The following DSG3 variants were observed in gnomAD, a reference collection of about 807,000 sequenced individuals.
DSG3 encodes desmoglein 3, also known as desmoglein-3.
DSG3 carries 63 observed loss-of-function variants against 85.9 expected under a neutral mutation model. The observed-to-expected ratio is 0.73, with a 90% confidence interval of 0.60 to 0.90. DSG3 has a LOEUF of 0.90. DSG3 is among the 40% of genes least tolerant of loss of function. The probability of loss-of-function intolerance (pLI) is 0.00; values close to 1 mark genes in which losing one functional copy is unlikely to be tolerated. For synonymous variants in DSG3, 447 were observed against 441.9 expected, an observed-to-expected ratio of 1.01 and a Z score of -0.14; for missense variants, 1,220 against 1,219.9, an observed-to-expected ratio of 1.00 and a Z score of 0.00.
intron 14 of DSG3, among the ~76,000 whole-genome samples, chr18:31,473,475 T>C (rs530800221): frequency 6.6e-6 from 1 of 152,228 alleles, no homozygotes; most frequent in African/African-American, 2.4e-5. Context: ...ATTCCATAGA[T>C]TGTTTTCAAG....
rs981056553 is a variant in DSG3 at position 31,476,601 on chromosome 18, T to C, written c.*341T>C. ...CATTTTAAAATGCAATGTGATTTAGTGGATTAAGCAGGAGCGCTGGTTCTT... is the reference window on the plus strand; with the variant it reads ...CATTTTAAAATGCAATGTGATTTAGCGGATTAAGCAGGAGCGCTGGTTCTT... On this transcript the variant is annotated 3_prime_UTR_variant, in exon 16 of 16. Transcript: ENST00000257189. The C allele has an allele frequency of 1.5e-5, 3 of 200,182 alleles. No homozygotes were observed. The highest frequency in any genetic ancestry group is 3.0e-5 in the Non-Finnish European group (3 of 99,102). The allele number at this position is 200,182 out of a possible 1,614,324, so 12.4% of individuals were successfully genotyped here.
chr18:31,475,031 A>T (rs574701978), intron 15 of DSG3, among the ~76,000 whole-genome samples: 1 of 152,302 alleles, frequency 6.6e-6, no homozygotes, highest in Admixed American at 6.5e-5. Flanking sequence ...CACTGAATTA[A>T]TGACCCCCAA....
intron 8 of DSG3, 51 bp from the exon 9 acceptor site, chr18:31,464,060 T>A: frequency 6.4e-7 from 1 of 1,551,000 alleles, no homozygotes; most frequent in Non-Finnish European, 8.8e-7. Flanking sequence ...CTACTGGGTT[T>A]GCGGGAGTGT....
chr18:31,457,560 TCTTTCTTTCTTTCTTTCTTTCTTTC>T, intron 3 of DSG3, among the ~76,000 whole-genome samples: 1 of 101,174 alleles, frequency 9.9e-6, no homozygotes, highest in African/African-American at 5.5e-5. Context: ...TTTCTTTCTT[TCTTTCTTTCTTTCTTTCTTTCTTTC>T]TTCTTTCTTT....
Position 31,461,289 on chromosome 18 carries a change from T to C in DSG3, c.876T>C (p.Asp292=). ...SSELLRFQVT[D]LDEEYTDNWL... ...AATTACTTCGATTTCAAGTAACAGA[T>C]TTGGATGAAGAGTACACAGATAATT... is the stretch of plus-strand genomic sequence containing the variant. Residue 292 remains aspartate, a synonymous_variant, in exon 8 of 16, where the codon GAT becomes GAC. Coordinates refer to ENST00000257189, the MANE Select transcript of DSG3 (RefSeq NM_001944.3). The C allele has an allele frequency of 6.2e-7, 1 of 1,613,578 alleles. No homozygotes were observed. The highest frequency in any genetic ancestry group is 1.3e-5 in the African/African-American group (1 of 75,010).
intron 1 of DSG3, among the ~76,000 whole-genome samples, chr18:31,449,729 T>C (rs554172558): frequency 1.2e-4 from 18 of 152,304 alleles, no homozygotes; most frequent in Non-Finnish European, 2.2e-4. Flanking sequence ...TGTATTTGGT[T>C]CCACTCAAGA....
chr18:31,469,319 C>A lies in DSG3; in HGVS notation c.1867C>A (p.Leu623Met), dbSNP rs1341052904. Residue 623 changes from leucine (L) to methionine (M), a missense_variant, in exon 12 of 16, where the codon CTG becomes ATG. Leu to Met is a conservative substitution (Grantham distance 15, BLOSUM62 2). Coordinates refer to ENST00000257189, the MANE Select transcript of DSG3 (RefSeq NM_001944.3). ...GAGGCTGGGGCCTGCCGCCATCGGC[C>A]TGCTGCTCCTTGGTCTCCTGCTGCT... ...SGRLGPAAIG[L>M]LLLGLLLLLL... The A allele has an allele frequency of 6.2e-7, 1 of 1,613,284 alleles. No homozygotes were observed. The highest frequency in any genetic ancestry group is 1.3e-5 in the African/African-American group (1 of 74,914).
Position 31,456,521 on chromosome 18 carries a change from TA to T in DSG3, c.84+55del, listed in dbSNP as rs369073235. On this transcript the variant is annotated intron_variant, in intron 2 of 15. Transcript: ENST00000257189. Reference sequence around the variant, plus strand: ...TTGTACTTAAAATAATAGTTTAGTTTAAAAAAAAATTAAATTGTGTTTAGTA... The same window carrying T: ...TTGTACTTAAAATAATAGTTTAGTTTAAAAAAAATTAAATTGTGTTTAGTA... The T allele has an allele frequency of 5.4e-3, 5,820 of 1,084,986 alleles. 95 individuals carry two copies. Among genetic ancestry groups the T allele is most frequent in the African/African-American group, 0.048 (2,900 of 60,874 alleles). The allele number at this position is 1,084,986 out of a possible 1,614,324, so 67.2% of individuals were successfully genotyped here.
Position 31,476,391 on chromosome 18 carries a change from C to T in DSG3, c.*131C>T. 15 of 1,065,406 alleles carry T rather than the reference C, an allele frequency of 1.4e-5. No individual in the cohort carries two copies. The highest frequency in any genetic ancestry group is 2.7e-5 in the Admixed American group (1 of 36,460). The allele number at this position is 1,065,406 out of a possible 1,614,324, so 66.0% of individuals were successfully genotyped here. A position where few individuals can be genotyped will look rare whatever the true frequency, so the allele number is the denominator to read the frequency against. On this transcript the variant is annotated 3_prime_UTR_variant, in exon 16 of 16. Transcript: ENST00000257189. ...ATTAGCTTCTCTCATAAACTGATCA[C>T]GATTATAAATTAAATGTTTGGGTTC...
chr18:31,472,634 C>A, intron 13 of DSG3, 91 bp from the exon 14 acceptor site: 2 of 1,385,914 alleles, frequency 1.4e-6, no homozygotes, highest in East Asian at 2.4e-5. Context: ...GTAATGTTAT[C>A]ATTTACAAAT....
rs1182188877 is a variant in DSG3 at position 31,472,336 on chromosome 18, A to C, written c.1950A>C (p.Gly650=). Residue 650 remains glycine (G), a synonymous_variant, in exon 13 of 16, where the codon GGA becomes GGC. Transcript: ENST00000257189. The part of the protein sequence containing the change: ...TCDCGAGSTG[G]VTGGFIPVPD... ...ACTGTGGGGCAGGTTCTACTGGGGG[A>C]GTGACAGGTGGTTTTATCCCAGTTC... is the stretch of plus-strand genomic sequence containing the variant. 1 of 1,613,938 alleles carries C rather than the reference A, an allele frequency of 6.2e-7. No individual in the cohort carries two copies. Among genetic ancestry groups the C allele is most frequent in the East Asian group, 2.2e-5 (1 of 44,874 alleles).
chr18:31,461,236 C>A lies in DSG3; in HGVS notation c.823C>A (p.Arg275Ser), dbSNP rs144335146. The change falls in exon 8 of 16, where the codon CGT becomes AGT. Residue 275 changes from arginine to serine, a missense_variant. Physicochemically the swap from Arg to Ser is moderately radical, Grantham distance 110. Transcript: ENST00000257189. Reference sequence around the variant, plus strand: ...CTTCTCGCCTTTTCAGTATTCAGCACGTATTGAAGAAAATATTTTAAGTTC... The same window carrying A: ...CTTCTCGCCTTTTCAGTATTCAGCAAGTATTGAAGAAAATATTTTAAGTTC... The part of the protein sequence containing the change: ...PMFRDSQYSA[R>S]IEENILSSEL... 1.5e-5 allele frequency: 24 copies of A among 1,612,048 alleles called. No individual in the cohort carries two copies. Among genetic ancestry groups the A allele is most frequent in the Non-Finnish European group, 1.8e-5 (21 of 1,179,128 alleles).
intron 13 of DSG3, 71 bp from the exon 14 acceptor site, chr18:31,472,654 G>A (rs2072863104): frequency 9.3e-6 from 14 of 1,497,940 alleles, no homozygotes; most frequent in Non-Finnish European, 1.3e-5. Flanking sequence ...TTTGCAAAGG[G>A]CCACATGTCA....
chr18:31,469,381 C>T (rs2072842123), intron 12 of DSG3, 32 bp downstream of exon 12: 2 of 1,608,480 alleles, frequency 1.2e-6, no homozygotes, highest in Non-Finnish European at 1.7e-6. Context: ...CTCTGTTGGA[C>T]CAGGTGTCCT....
At chr18:31,468,430 A>G (rs1205515306) in intron 11 of DSG3, among the ~76,000 whole-genome samples, 1 of 152,196 alleles carries the variant, frequency 6.6e-6, no homozygotes, top group Non-Finnish European at 1.5e-5. Context: ...CTGACTCTAA[A>G]TGATGTCGCC....
At position 31,447,821 on chromosome 18, in the gene DSG3, C is replaced by T; in HGVS notation, c.-57C>T. On this transcript the variant is annotated 5_prime_UTR_variant, in exon 1 of 16. Coordinates refer to ENST00000257189, the MANE Select transcript of DSG3 (RefSeq NM_001944.3). ...TTTCTTAGACATCAACTGCAGACGG[C>T]TGGCAGGATAGAAGCAGCGGCTCAC... 1 of 1,465,940 alleles carries T rather than the reference C, an allele frequency of 6.8e-7. No individual in the cohort carries two copies. The highest frequency in any genetic ancestry group is 1.3e-5 in the South Asian group (1 of 78,968). The allele number at this position is 1,465,940 out of a possible 1,614,324, so 90.8% of individuals were successfully genotyped here. A position where few individuals can be genotyped will look rare whatever the true frequency, so the allele number is the denominator to read the frequency against.
chr18:31,468,857 C>A (rs966873867), intron 11 of DSG3, among the ~76,000 whole-genome samples: 2 of 152,134 alleles, frequency 1.3e-5, no homozygotes, highest in East Asian at 1.9e-4. Flanking sequence ...TCAGCCCCCA[C>A]GTGCTCTCAT....
chr18:31,476,019 T>C lies in DSG3; in HGVS notation c.2759T>C (p.Val920Ala). 6.2e-7 allele frequency: 1 copy of C among 1,614,188 alleles called. No individual in the cohort carries two copies. Among genetic ancestry groups the C allele is most frequent in the South Asian group, 1.1e-5 (1 of 91,082 alleles). ...LSTSGSVQPA[V>A]SIPDPLQHGN... ...ACCTCTGGGTCTGTCCAGCCAGCTG[T>C]TTCCATCCCTGACCCTCTGCAGCAT... The change falls in exon 16 of 16, where the codon GTT becomes GCT. Residue 920 changes from valine (V) to alanine (A), a missense_variant. Val to Ala is a moderately conservative substitution (Grantham distance 64). Transcript: ENST00000257189.
chr18:31,467,239 A>G (rs1441195052), intron 11 of DSG3, among the ~76,000 whole-genome samples: 1 of 151,998 alleles, frequency 6.6e-6, no homozygotes, highest in Non-Finnish European at 1.5e-5. Context: ...TATTCAGGAG[A>G]CTGAGGCAGG....
Sources: gnomAD v4.1 joint callset for allele counts (sites outside exome capture counted in the v4.1 genomes callset) on GRCh38, gnomAD v4.1.1 for gene constraint, MANE v1.5 for transcripts, NCBI Gene and HGNC (gene_info 2026-07-23, HGNC 2026-07-21) for gene names.